The following PLCE1 variants were observed in gnomAD, a reference collection of about 807,000 sequenced individuals.
PLCE1 encodes 1-phosphatidylinositol 4,5-bisphosphate phosphodiesterase epsilon-1.
Under a neutral mutation model 242.8 loss-of-function variants are expected in PLCE1, and 119 were observed. The observed-to-expected ratio is 0.49, with a 90% CI of 0.42 to 0.57. PLCE1 has a LOEUF of 0.57. Ranked by LOEUF, PLCE1 falls within the 20% of genes least tolerant of loss-of-function variation. The probability of loss-of-function intolerance (pLI) is 0.00; values close to 1 mark genes in which losing one functional copy is unlikely to be tolerated. For missense variants in PLCE1, 2,441 were observed against 2,788.8 expected (o/e 0.88, Z 2.81); for synonymous variants, 945 against 1,017.4 (o/e 0.93, Z 1.35).
Position 94,031,341 on chromosome 10 carries a change from G to A in PLCE1, c.295G>A (p.Ala99Thr). 3 of 1,613,838 alleles carry A rather than the reference G, an allele frequency of 1.9e-6. No individual in the cohort carries two copies. The highest frequency in any genetic ancestry group is 2.2e-5 in the South Asian group (2 of 91,080). ...TTGGGAGAAAATCATGCCAGATTCT[G>A]CGAAAAACCTTAACATTAACTGCAA... Reference protein sequence around the residue: ...KCWEKIMPDSAKNLNINCNNI... With the variant: ...KCWEKIMPDSTKNLNINCNNI... Residue 99 changes from alanine (A) to threonine (T), a missense_variant, in exon 2 of 33, where the codon GCG becomes ACG. Coordinates refer to ENST00000371380, the MANE Select transcript of PLCE1 (RefSeq NM_016341.4).
chr10:94,032,472 G>A (rs1268398225), intron 2 of PLCE1, among the ~76,000 whole-genome samples: 3 of 152,102 alleles, frequency 2.0e-5, no homozygotes, highest in Admixed American at 6.6e-5. Flanking sequence ...AGAAAATAAT[G>A]TTATTGGGAG....
At chr10:94,155,252 A>G (rs759916976) in intron 3 of PLCE1, among the ~76,000 whole-genome samples, 2 of 152,266 alleles carry the variant, frequency 1.3e-5, no homozygotes, top group Non-Finnish European at 2.9e-5. Flanking sequence ...CAACTGATGA[A>G]TAAACAAAAT....
intron 2 of PLCE1, among the ~76,000 whole-genome samples, chr10:94,076,107 G>A (rs1201571997): frequency 1.5e-5 from 2 of 131,614 alleles, no homozygotes; most frequent in Non-Finnish European, 3.2e-5. Flanking sequence ...TTGGCCCTGT[G>A]TGTGTGTTTG....
chr10:94,207,560 CT>C (rs1564789207), intron 4 of PLCE1, among the ~76,000 whole-genome samples: 4 of 131,412 alleles, frequency 3.0e-5, no homozygotes, highest in South Asian at 2.4e-4. Context: ...TGTGTATAGA[CT>C]TTTTTTTTCA....
chr10:94,303,248 C>T (rs1161152709), intron 24 of PLCE1, among the ~76,000 whole-genome samples: 14 of 152,200 alleles, frequency 9.2e-5, no homozygotes, highest in African/African-American at 2.9e-4. Flanking sequence ...GTACAGAGTT[C>T]GTTCTTACAC....
chr10:94,264,852 G>A (rs954584153), intron 14 of PLCE1, among the ~76,000 whole-genome samples: 2 of 152,086 alleles, frequency 1.3e-5, no homozygotes, highest in African/African-American at 4.8e-5. Flanking sequence ...TCTGAGCCAC[G>A]CATGGTGGCA....
chr10:94,323,152 C>T (rs1174232501), intron 30 of PLCE1, among the ~76,000 whole-genome samples: 1 of 152,120 alleles, frequency 6.6e-6, no homozygotes, highest in African/African-American at 2.4e-5. Context: ...CTCAAGGATC[C>T]TACAGAGGAC....
intron 2 of PLCE1, among the ~76,000 whole-genome samples, chr10:94,111,907 C>T (rs940223482): frequency 6.6e-6 from 1 of 152,168 alleles, no homozygotes; most frequent in Non-Finnish European, 1.5e-5. Context: ...CGCAGTTTTG[C>T]TTTCATGACC....
At chr10:94,140,161 T>G (rs547659204) in intron 3 of PLCE1, among the ~76,000 whole-genome samples, 5 of 152,266 alleles carry the variant, frequency 3.3e-5, no homozygotes, top group African/African-American at 9.6e-5. Flanking sequence ...TTAGCTATAT[T>G]AAAGTTATTT....
intron 3 of PLCE1, chr10:94,137,685 G>A (rs2046826711): frequency 6.1e-6 from 1 of 164,382 alleles, no homozygotes; most frequent in African/African-American, 2.4e-5. Flanking sequence ...TAGAGTGGAG[G>A]GAAGATGGAC....
chr10:94,275,935 C>T (rs907743240), intron 19 of PLCE1, among the ~76,000 whole-genome samples: 1 of 152,126 alleles, frequency 6.6e-6, no homozygotes, highest in African/African-American at 2.4e-5. Context: ...TTATGCCCAG[C>T]GTTCCCATTT....
intron 8 of PLCE1, 111 bp from the exon 9 acceptor site, chr10:94,252,205 T>A: frequency 1.1e-6 from 1 of 904,692 alleles, no homozygotes; most frequent in Non-Finnish European, 1.8e-6. Flanking sequence ...ATTATTCTTC[T>A]GTGGCCGTCT....
intron 13 of PLCE1, among the ~76,000 whole-genome samples, chr10:94,260,799 G>T (rs2132982125): frequency 6.6e-6 from 1 of 152,126 alleles, no homozygotes; most frequent in South Asian, 2.1e-4. Context: ...AAAGTGCAGG[G>T]ATCTTAGGCA....
intron 23 of PLCE1, among the ~76,000 whole-genome samples, chr10:94,294,760 CA>C (rs1490124300): frequency 2.6e-5 from 4 of 152,120 alleles, no homozygotes; most frequent in Non-Finnish European, 5.9e-5. Context: ...GCTGATTCAT[CA>C]GGGGGGTGGT....
intron 1 of PLCE1, among the ~76,000 whole-genome samples, chr10:94,020,283 A>G (rs1280570295): frequency 6.6e-6 from 1 of 152,114 alleles, no homozygotes; most frequent in African/African-American, 2.4e-5. Flanking sequence ...GTACTTATAG[A>G]CCATCTGTAT....
intron 21 of PLCE1, 136 bp downstream of exon 21, chr10:94,284,047 C>T: frequency 9.7e-7 from 1 of 1,027,042 alleles, no homozygotes; most frequent in East Asian, 2.8e-5. Context: ...CCAAAGTTCA[C>T]TTGGTGATAT....
chr10:94,200,968 C>T (rs2048969475), intron 4 of PLCE1, among the ~76,000 whole-genome samples: 1 of 152,132 alleles, frequency 6.6e-6, no homozygotes, highest in Admixed American at 6.5e-5. Flanking sequence ...GTGTAAGAAA[C>T]TGTTATAGCC....
chr10:94,036,518 A>T (rs1367861552), intron 2 of PLCE1, among the ~76,000 whole-genome samples: 1 of 152,138 alleles, frequency 6.6e-6, no homozygotes, highest in Non-Finnish European at 1.5e-5. Flanking sequence ...CTTTGAATGG[A>T]AAACATTAAT....
At chr10:94,180,364 A>G (rs1451521188) in intron 4 of PLCE1, among the ~76,000 whole-genome samples, 1 of 152,094 alleles carries the variant, frequency 6.6e-6, no homozygotes, top group Non-Finnish European at 1.5e-5. Flanking sequence ...TGAAATAGGG[A>G]GGACAACAGC....
Sources: gnomAD v4.1 joint callset for allele counts (sites outside exome capture counted in the v4.1 genomes callset) on GRCh38, gnomAD v4.1.1 for gene constraint, MANE v1.5 for transcripts, NCBI Gene and HGNC (gene_info 2026-07-23, HGNC 2026-07-21) for gene names.